Variants in PTPRF observed in about 807,000 individuals in gnomAD.
PTPRF encodes receptor-type tyrosine-protein phosphatase F.
PTPRF carries 59 observed loss-of-function variants against 201.8 expected under a neutral mutation model. That is an observed-to-expected ratio of 0.29 (90% confidence interval 0.24 to 0.36). PTPRF has a LOEUF of 0.36. Among genes scored for constraint, PTPRF ranks in the 10% least tolerant of loss-of-function variants. PTPRF has a pLI of 1.00. For synonymous variants in PTPRF, 1,088 were observed against 1,089.7 expected (o/e 1.00, Z 0.03); for missense variants, 2,132 against 2,690.5 (o/e 0.79, Z 4.59).
intron 7 of PTPRF, among the ~76,000 whole-genome samples, chr1:43,582,280 A>G (rs570423696): frequency 6.6e-6 from 1 of 152,374 alleles, no homozygotes; most frequent in East Asian, 1.9e-4. Context: ...GCACTCGGCT[A>G]CTAGTCAGTA....
chr1:43,530,049 A>T (rs991928534), upstream of PTPRF, among the ~76,000 whole-genome samples: 1 of 152,020 alleles, frequency 6.6e-6, no homozygotes, highest in Non-Finnish European at 1.5e-5. This position sits in a 1 kb window ranked among gnomAD's most constrained non-coding sequence, Gnocchi z 4.1. Context: ...GAGTTTCTGC[A>T]AAGCCAGTCT....
intron 21 of PTPRF, among the ~76,000 whole-genome samples, chr1:43,608,798 A>C (rs1655763423): frequency 6.6e-6 from 1 of 152,184 alleles, no homozygotes; most frequent in South Asian, 2.1e-4. Context: ...GCAGACCACA[A>C]GTAGCCTCTG....
At chr1:43,579,664 C>T (rs1647180710) in intron 7 of PTPRF, 1 of 193,954 alleles carries the variant, frequency 5.2e-6, no homozygotes, top group Non-Finnish European at 1.1e-5. Context: ...CCACCTTGCC[C>T]TTTCCTGAGA....
intron 21 of PTPRF, among the ~76,000 whole-genome samples, chr1:43,608,047 C>T (rs1570610163): frequency 6.6e-6 from 1 of 152,210 alleles, no homozygotes; most frequent in Non-Finnish European, 1.5e-5. Context: ...GTGTGCCTAC[C>T]CTGGACCCAC....
At chr1:43,556,098 A>G (rs974500677) in intron 5 of PTPRF, among the ~76,000 whole-genome samples, 1 of 152,226 alleles carries the variant, frequency 6.6e-6, no homozygotes. Context: ...TGCCAAGTTA[A>G]TAGGCAAAAA....
At chr1:43,565,345 G>A (rs1646087971) in intron 5 of PTPRF, among the ~76,000 whole-genome samples, 1 of 152,226 alleles carries the variant, frequency 6.6e-6, no homozygotes, top group Admixed American at 6.5e-5. Context: ...CTCCACGGAA[G>A]GGGACAGGTC....
chr1:43,549,596 C>T (rs1007125043), intron 3 of PTPRF, among the ~76,000 whole-genome samples: 6 of 152,086 alleles, frequency 3.9e-5, no homozygotes, highest in African/African-American at 9.7e-5. Context: ...GGCTCATACC[C>T]GTAATCCCAA....
At chr1:43,610,636 T>G (rs1396511586) in intron 22 of PTPRF, among the ~76,000 whole-genome samples, 1 of 152,218 alleles carries the variant, frequency 6.6e-6, no homozygotes, top group African/African-American at 2.4e-5. Flanking sequence ...TCCCAGCACT[T>G]TGGGAGGCTG....
chr1:43,555,474 C>T (rs1215264621), intron 5 of PTPRF, among the ~76,000 whole-genome samples: 5 of 126,048 alleles, frequency 4.0e-5, no homozygotes, highest in Admixed American at 2.8e-4. Flanking sequence ...GAGACGGAGT[C>T]TAGCTCTGTC....
At chr1:43,577,088 G>A (rs1239017812) in intron 6 of PTPRF, among the ~76,000 whole-genome samples, 1 of 152,136 alleles carries the variant, frequency 6.6e-6, no homozygotes, top group Admixed American at 6.5e-5. Flanking sequence ...TTAGGCTCTT[G>A]TTGCAGAGGA....
chr1:43,526,272 T>C (rs1409243365), upstream of PTPRF, among the ~76,000 whole-genome samples: 1 of 151,990 alleles, frequency 6.6e-6, no homozygotes, highest in Non-Finnish European at 1.5e-5. Flanking sequence ...TCCCTGCCCA[T>C]AGTGACTCAG....
intron 22 of PTPRF, 145 bp from the exon 23 acceptor site, chr1:43,613,473 C>T (rs969493804): frequency 2.4e-5 from 17 of 715,872 alleles, no homozygotes; most frequent in Middle Eastern, 2.4e-4. Flanking sequence ...CCTGTCGCCG[C>T]ATGTGCTGCT....
At chr1:43,587,710 G>C (rs541078747) in intron 7 of PTPRF, among the ~76,000 whole-genome samples, 18 of 152,298 alleles carry the variant, frequency 1.2e-4, no homozygotes, top group African/African-American at 3.8e-4. Flanking sequence ...TTGGCCCTGC[G>C]TGTGAGAGTG....
rs756962072 is a variant in PTPRF, at chr1:43,619,301, C to T, written c.4660C>T (p.Arg1554Cys). Residue 1554 changes from arginine to cysteine, a missense_variant, in exon 28 of 34, where the codon CGC becomes TGC. Coordinates refer to ENST00000359947, the MANE Select transcript of PTPRF (RefSeq NM_002840.5). ...CGTGTCCTGCAGCGCGGGCGTGGGC[C>T]GCACCGGCTGCTTCATCGTGATTGA... ...MVVHCSAGVG[R>C]TGCFIVIDAM... 26 of 1,613,310 alleles carry T rather than the reference C, an allele frequency of 1.6e-5. 1 individual carries two copies. Among genetic ancestry groups the T allele is most frequent in the Admixed American group, 1.0e-4 (6 of 59,990 alleles).
Position 43,605,221 on chromosome 1 carries a change from A to G in PTPRF, c.3167A>G (p.Asp1056Gly). ...TACAATGGGCAGAGTGTGGAGGTGG[A>G]CGGGCACTCGATGCGGAAGCTGATC... ...ILYNGQSVEV[D>G]GHSMRKLIAD... Residue 1056 changes from aspartate to glycine, a missense_variant, in exon 18 of 34, where the codon GAC (aspartate) becomes GGC (glycine). This residue lies in a region of PTPRF where 818 missense variants were observed against 915.3 expected (regional missense o/e 0.89). Transcript: ENST00000359947. The G allele has an allele frequency of 6.2e-7, 1 of 1,605,126 alleles. No individual in the cohort carries two copies. The highest frequency in any genetic ancestry group is 2.2e-5 in the East Asian group (1 of 44,608).
chr1:43,598,848 C>A lies in PTPRF; in HGVS notation c.2248C>A (p.Arg750=), dbSNP rs1052217275. The A allele has an allele frequency of 3.1e-6, 5 of 1,614,158 alleles. No individual in the cohort carries two copies. The highest frequency in any genetic ancestry group is 1.3e-5 in the African/African-American group (1 of 75,054). Reference sequence around the variant, plus strand: ...CCGCGGCTACCAGGTCACCTACGTGCGGCTGGAGAATGGCGAGCCCCGTGG... The same window carrying A: ...CCGCGGCTACCAGGTCACCTACGTGAGGCTGGAGAATGGCGAGCCCCGTGG... The part of the protein sequence containing the change: ...QIRGYQVTYV[R]LENGEPRGLP... Residue 750 remains arginine, a synonymous_variant, in exon 13 of 34, where the codon CGG becomes AGG. Transcript: ENST00000359947.
intron 2 of PTPRF, among the ~76,000 whole-genome samples, chr1:43,544,015 C>T (rs982318536): frequency 2.6e-5 from 4 of 152,194 alleles, no homozygotes; most frequent in Non-Finnish European, 5.9e-5. Flanking sequence ...GTGATAGCAG[C>T]GTATCTCCCA....
chr1:43,561,485 G>A, intron 5 of PTPRF, among the ~76,000 whole-genome samples: 1 of 152,220 alleles, frequency 6.6e-6, no homozygotes, highest in East Asian at 1.9e-4. Context: ...GTGTGTCTGG[G>A]GTAACAGTCT....
chr1:43,574,516 T>C (rs372164608), intron 6 of PTPRF, among the ~76,000 whole-genome samples: 10 of 152,228 alleles, frequency 6.6e-5, no homozygotes, highest in Non-Finnish European at 1.3e-4. Context: ...TTGGGACTTA[T>C]ATAGAAGGCA....
Sources: allele counts gnomAD v4.1 joint callset (sites outside exome capture counted in the v4.1 genomes callset), GRCh38; gene constraint gnomAD v4.1.1; regional missense constraint gnomAD v4.1.1; non-coding constraint Gnocchi (gnomAD v3.1); transcripts MANE v1.5; gene names NCBI Gene and HGNC (gene_info 2026-07-23, HGNC 2026-07-21).